Variants in EPHA8 observed in about 807,000 individuals in gnomAD.
EPHA8 encodes the protein ephrin type-A receptor 8.
In EPHA8, 58 loss-of-function variants were observed where a neutral mutation model predicts 103.6. That is an observed-to-expected ratio of 0.56 (90% CI 0.45 to 0.70). The LOEUF is 0.70. EPHA8 is among the 30% of genes least tolerant of loss of function. The probability of loss-of-function intolerance (pLI) is 0.00; values close to 1 mark genes in which losing one functional copy is unlikely to be tolerated. For synonymous variants in EPHA8, 559 were observed against 572.5 expected (o/e 0.98, Z 0.34); for missense variants, 1,304 against 1,395.2 (o/e 0.93, Z 1.04).
intron 2 of EPHA8, among the ~76,000 whole-genome samples, chr1:22,570,334 ATG>A (rs1640497603): frequency 1.3e-5 from 2 of 151,762 alleles, no homozygotes; most frequent in African/African-American, 2.4e-5. Context: ...ACACACGCAC[ATG>A]CACATGCGTG....
rs945508849 is a variant in EPHA8, at chr1:22,567,426, C to G, written c.95-1863C>G. Among the ~76,000 whole-genome samples, 26 of 152,160 alleles carry G rather than the reference C, an allele frequency of 1.7e-4. No individual in the cohort carries two copies. Among genetic ancestry groups the G allele is most frequent in the African/African-American group, 6.3e-4 (26 of 41,434 alleles). On this transcript the variant is annotated intron_variant, in intron 1 of 16. Coordinates refer to ENST00000166244, the MANE Select transcript of EPHA8 (RefSeq NM_020526.5). The surrounding 1 kb of genome is among the most constrained non-coding windows in gnomAD (Gnocchi z 4.2). Reference sequence around the variant, plus strand: ...GAGAGGGAGGGAGGCAGGCGGGAAGCCTTCTCTCTGCCTCTGCCCCTGGCG... The same window carrying G: ...GAGAGGGAGGGAGGCAGGCGGGAAGGCTTCTCTCTGCCTCTGCCCCTGGCG...
rs1276028235 is a variant in EPHA8 at position 22,578,571 on chromosome 1, CTGCATGTGTGCATGAA to C, written c.823+1695_823+1710del. ...CGTGAGTGTGCACATTTGTTAGTGT[CTGCATGTGTGCATGAA>C]TGCGTGTGTGCATGTGTGCATGAGT... On this transcript the variant is annotated intron_variant, in intron 3 of 16. Transcript: ENST00000166244. Among the ~76,000 whole-genome samples, 160 of 123,824 alleles carry C rather than the reference CTGCATGTGTGCATGAA, an allele frequency of 1.3e-3. 3 individuals carry two copies. The East Asian group carries it at 0.034, about 27-fold the overall frequency. 81.2% of individuals were successfully genotyped at this position (123,824 alleles called of 152,430 possible).
At chr1:22,599,471 A>G (rs928088530) in intron 13 of EPHA8, among the ~76,000 whole-genome samples, 11 of 152,028 alleles carry the variant, frequency 7.2e-5, no homozygotes, top group South Asian at 4.1e-4. Flanking sequence ...CATGGGGGCC[A>G]GTTTTCACCC....
rs56055011 is a variant in EPHA8, at chr1:22,600,915, G to A, written c.2556G>A (p.Glu852=). 0.068 allele frequency: 108,711 copies of A among 1,608,994 alleles called. 4,121 individuals are homozygous for A. Among genetic ancestry groups the A allele is most frequent in the South Asian group, 0.12 (10,660 of 90,388 alleles). Reference sequence around the variant, plus strand: ...CCCTGCAGGTCATCAGCTCTGTGGAGGAGGGGTACCGCCTGCCCGCACCCA... The same window carrying A: ...CCCTGCAGGTCATCAGCTCTGTGGAAGAGGGGTACCGCCTGCCCGCACCCA... ...MTNRDVISSV[E]EGYRLPAPMG... Residue 852 remains glutamate (E), a synonymous_variant, in exon 15 of 17, where the codon GAG becomes GAA. Coordinates refer to ENST00000166244, the MANE Select transcript of EPHA8 (RefSeq NM_020526.5).
At chr1:22,578,611 G>C (rs1424324795) in intron 3 of EPHA8, among the ~76,000 whole-genome samples, 1 of 151,252 alleles carries the variant, frequency 6.6e-6, no homozygotes, top group Non-Finnish European at 1.5e-5. Flanking sequence ...GTGTGCATGA[G>C]TGTATGTCTG....
chr1:22,572,623 C>T (rs1302710262), intron 2 of EPHA8, among the ~76,000 whole-genome samples: 3 of 152,252 alleles, frequency 2.0e-5, no homozygotes, highest in South Asian at 2.1e-4. Context: ...ATTCTCACCA[C>T]GCCCTGGAGT....
intron 2 of EPHA8, among the ~76,000 whole-genome samples, chr1:22,570,975 C>G (rs1467961729): frequency 6.6e-6 from 1 of 152,224 alleles, no homozygotes; most frequent in East Asian, 1.9e-4. Flanking sequence ...GGGTCCTGGT[C>G]CCTCCCTCAC....
chr1:22,579,082 TAC>T (rs1325342201), intron 3 of EPHA8, among the ~76,000 whole-genome samples: 7 of 127,946 alleles, frequency 5.5e-5, no homozygotes, highest in Non-Finnish European at 8.6e-5. Flanking sequence ...TGTGCATGTG[TAC>T]GTGCATGTGT....
At chr1:22,577,935 GTGTA>G (rs1469343110) in intron 3 of EPHA8, among the ~76,000 whole-genome samples, 6 of 9,880 alleles carry the variant, frequency 6.1e-4, no homozygotes, top group East Asian at 2.4e-3. Context: ...GTGTGCGTGA[GTGTA>G]TGTGTGCGAG....
chr1:22,580,192 T>A (rs1641008320), intron 3 of EPHA8, among the ~76,000 whole-genome samples: 1 of 133,830 alleles, frequency 7.5e-6, no homozygotes, highest in African/African-American at 2.9e-5. Context: ...CAGGCTGGAG[T>A]GCAATGGGGT....
At chr1:22,579,099 G>T (rs1338051909) in intron 3 of EPHA8, among the ~76,000 whole-genome samples, 1 of 130,998 alleles carries the variant, frequency 7.6e-6, no homozygotes, top group Non-Finnish European at 1.5e-5. Flanking sequence ...ATGTGTGCAT[G>T]TGTATGTGTG....
chr1:22,601,465 G>T lies in EPHA8; in HGVS notation c.2895G>T (p.Met965Ile). Residue 965 changes from methionine to isoleucine, a missense_variant, in exon 16 of 17, where the codon ATG (methionine) becomes ATT (isoleucine). Met to Ile is a conservative substitution (Grantham distance 10). Transcript: ENST00000166244. ...GYSSLGMVLRMNAQDVRALGI... is the reference protein window; with the variant it reads ...GYSSLGMVLRINAQDVRALGI... ...CCTCTCTGGGCATGGTGCTACGCAT[G>T]AACGCCCAGTGAGTGATGGGTGGGG... 1 of 1,609,722 alleles carries T rather than the reference G, an allele frequency of 6.2e-7. No homozygotes were observed.
chr1:22,574,120 A>T (rs1235444916), intron 2 of EPHA8, among the ~76,000 whole-genome samples: 1 of 152,162 alleles, frequency 6.6e-6, no homozygotes, highest in Non-Finnish European at 1.5e-5. Context: ...CTGGGACTAC[A>T]GGCGCCCGCC....
At chr1:22,592,144 C>T (rs1204117770) in intron 5 of EPHA8, among the ~76,000 whole-genome samples, 2 of 152,146 alleles carry the variant, frequency 1.3e-5, no homozygotes, top group East Asian at 3.9e-4. Flanking sequence ...TCCTGCCTCA[C>T]CATCACCACT....
In EPHA8 at chr1:22,589,212, C is replaced by A. The variant is rs199965008; in HGVS notation, c.1315+6C>A. 6.2e-7 allele frequency: 1 copy of A among 1,613,806 alleles called. No individual in the cohort carries two copies. Among genetic ancestry groups the A allele is most frequent in the African/African-American group, 1.3e-5 (1 of 74,940 alleles). ...CATCACCACGAACCAGGCAGGTAGG[C>A]GGAGAAACTCCGTCCCGCAGCGTCC... On this transcript the variant is annotated splice_donor_region_variant and intron_variant, in intron 5 of 16. Transcript: ENST00000166244. This position sits in a 1 kb window ranked among gnomAD's most constrained non-coding sequence, Gnocchi z 4.3.
At chr1:22,582,984 A>G (rs1641087163) in intron 3 of EPHA8, among the ~76,000 whole-genome samples, 1 of 152,268 alleles carries the variant, frequency 6.6e-6, no homozygotes, top group South Asian at 2.1e-4. Flanking sequence ...TCTGATTTAG[A>G]ATTAATTTCC....
At position 22,589,832 on chromosome 1, in the gene EPHA8, A is replaced by G. The variant is rs1180117012; in HGVS notation, c.1315+626A>G. ...AAGAGCCCTCCTAGGGCAGCTTCCTATTAACAGCCACCCTCACCTGTGCCC... is the reference window on the plus strand; with the variant it reads ...AAGAGCCCTCCTAGGGCAGCTTCCTGTTAACAGCCACCCTCACCTGTGCCC... On this transcript the variant is annotated intron_variant, in intron 5 of 16. Transcript: ENST00000166244. The surrounding 1 kb of genome is among the most constrained non-coding windows in gnomAD (Gnocchi z 4.3). 1.3e-5 allele frequency among the ~76,000 whole-genome samples: 2 copies of G among 152,014 alleles called. No homozygotes were observed. Among genetic ancestry groups the G allele is most frequent in the African/African-American group, 2.4e-5 (1 of 41,364 alleles).
At position 22,598,267 on chromosome 1, in the gene EPHA8, G is replaced by T; in HGVS notation, c.2178+55G>T. On this transcript the variant is annotated intron_variant, in intron 12 of 16. Transcript: ENST00000166244. The surrounding 1 kb of genome is among the most constrained non-coding windows in gnomAD (Gnocchi z 5.1). ...GGCTTGGGGAGGGAGGTCCAGTCTG[G>T]GTGCTGGGAGATAGTGCAAAGCCCT... 1 of 1,571,176 alleles carries T rather than the reference G, an allele frequency of 6.4e-7. No homozygotes were observed. The highest frequency in any genetic ancestry group is 1.1e-5 in the South Asian group (1 of 89,310).
chr1:22,570,146 G>A (rs1426084724), intron 2 of EPHA8, among the ~76,000 whole-genome samples: 1 of 152,202 alleles, frequency 6.6e-6, no homozygotes, highest in Admixed American at 6.5e-5. Context: ...GATGAACATA[G>A]GCTTTTATAA....
Sources: gnomAD v4.1 joint callset for allele counts (sites outside exome capture counted in the v4.1 genomes callset) on GRCh38, gnomAD v4.1.1 for gene constraint, Gnocchi (gnomAD v3.1) non-coding constraint, MANE v1.5 for transcripts, NCBI Gene and HGNC (gene_info 2026-07-23, HGNC 2026-07-21) for gene names.